BBX: variants seen among roughly 807,000 people sequenced by gnomAD.
The protein encoded by BBX is BBX high mobility group box domain containing.
In BBX, 30 loss-of-function variants were observed where a neutral mutation model predicts 100.2. The ratio of observed to expected loss-of-function variants is 0.30; its 90% CI spans 0.22 to 0.41. BBX has a LOEUF of 0.41. Ranked by LOEUF, BBX falls within the 10% of genes least tolerant of loss-of-function variation. BBX has a pLI of 1.00. For missense variants in BBX, 1,023 were observed against 1,129.8 expected, an observed-to-expected ratio of 0.91 and a Z score of 1.35; for synonymous variants, 376 against 388.1, an observed-to-expected ratio of 0.97 and a Z score of 0.37.
chr3:107,709,228 A>G (rs1341870104), intron 3 of BBX, among the ~76,000 whole-genome samples: 1 of 152,216 alleles, frequency 6.6e-6, no homozygotes, highest in Non-Finnish European at 1.5e-5. Context: ...AAGTTGTACA[A>G]GTTCTAGGAG....
At chr3:107,640,037 G>T (rs765375705) in intron 2 of BBX, among the ~76,000 whole-genome samples, 2 of 152,098 alleles carry the variant, frequency 1.3e-5, no homozygotes, top group South Asian at 2.1e-4. Flanking sequence ...AGCACTTATT[G>T]TATAGCAAAT....
chr3:107,706,014 G>T (rs1436294490), intron 3 of BBX, among the ~76,000 whole-genome samples: 1 of 144,328 alleles, frequency 6.9e-6, no homozygotes. Flanking sequence ...TCATGAATGA[G>T]CTTGCTACTT....
chr3:107,790,292 C>T (rs1189813952), intron 14 of BBX, among the ~76,000 whole-genome samples: 1 of 152,122 alleles, frequency 6.6e-6, no homozygotes, highest in Non-Finnish European at 1.5e-5. Flanking sequence ...TGTGAAAGTG[C>T]CCCCGTTTCT....
intron 2 of BBX, among the ~76,000 whole-genome samples, chr3:107,536,518 C>T (rs1297184301): frequency 2.6e-5 from 4 of 152,066 alleles, no homozygotes; most frequent in African/African-American, 4.8e-5. Context: ...CGAAGGCGCT[C>T]GTCTTTTGTT....
intron 13 of BBX, among the ~76,000 whole-genome samples, chr3:107,779,020 T>TATATATATACACACAC (rs1449263925): frequency 6.9e-4 from 66 of 95,814 alleles, no homozygotes; most frequent in African/African-American, 2.5e-3. Flanking sequence ...TATATATATA[T>TATATATATACACACAC]ACACACACAC....
In BBX at chr3:107,810,789, AC is replaced by A. The variant is rs538971327; in HGVS notation, c.*5334del. 54 of 152,312 alleles carry A rather than the reference AC, an allele frequency of 3.5e-4. No homozygotes were observed. Among genetic ancestry groups the A allele is most frequent in the African/African-American group, 1.2e-3 (48 of 41,556 alleles). 9.4% of individuals were successfully genotyped at this position (152,312 alleles called of 1,614,324 possible). A position where few individuals can be genotyped will look rare whatever the true frequency, so the allele number is the denominator to read the frequency against. On this transcript the variant is annotated 3_prime_UTR_variant, in exon 18 of 18. Transcript: ENST00000325805. ...AATAAAATCACCTGAGACTCCACAT[AC>A]CAGATTATAAACTCTTCTCGTAGGT...
chr3:107,601,796 T>G (rs575650610), intron 2 of BBX, among the ~76,000 whole-genome samples: 1 of 152,324 alleles, frequency 6.6e-6, no homozygotes, highest in Non-Finnish European at 1.5e-5. Flanking sequence ...GCAGCTACAC[T>G]AAACAACATA....
At chr3:107,734,328 G>A (rs1308402628) in intron 7 of BBX, among the ~76,000 whole-genome samples, 1 of 152,136 alleles carries the variant, frequency 6.6e-6, no homozygotes, top group African/African-American at 2.4e-5. Flanking sequence ...TGCACTGGTA[G>A]TTACTTTGTG....
chr3:107,761,381 A>G (rs1031361479), intron 10 of BBX, among the ~76,000 whole-genome samples: 4 of 152,202 alleles, frequency 2.6e-5, no homozygotes, highest in African/African-American at 9.7e-5. Flanking sequence ...CAGTGATAAA[A>G]GCAGCACTTA....
chr3:107,555,144 G>C (rs1047112371), intron 2 of BBX, among the ~76,000 whole-genome samples: 2 of 152,098 alleles, frequency 1.3e-5, no homozygotes, highest in Non-Finnish European at 2.9e-5. Context: ...ATTGATATTT[G>C]TTTCTGCTAA....
rs1300938369 is a variant in BBX, at chr3:107,710,627, G to A, written c.162+5G>A. The stretch of plus-strand genomic sequence containing the variant: ...GAAGAGGAGGATATTGATAAGGTAA[G>A]TCCTATATTTACCATAGAAGTTTCA... On this transcript the variant is annotated splice_donor_5th_base_variant and intron_variant, in intron 4 of 17. Transcript: ENST00000325805. The A allele has an allele frequency of 1.9e-6, 3 of 1,597,390 alleles. No homozygotes were observed. The highest frequency in any genetic ancestry group is 2.6e-6 in the Non-Finnish European group (3 of 1,171,872).
intron 3 of BBX, among the ~76,000 whole-genome samples, chr3:107,647,677 A>C (rs1424749644): frequency 6.6e-6 from 1 of 152,232 alleles, no homozygotes; most frequent in Admixed American, 6.5e-5. Flanking sequence ...GCCAGGGTTC[A>C]ATAAATCTGG....
intron 10 of BBX, among the ~76,000 whole-genome samples, chr3:107,770,720 C>T (rs1261161906): frequency 6.6e-6 from 1 of 152,120 alleles, no homozygotes; most frequent in African/African-American, 2.4e-5. Context: ...TTCATGTCTT[C>T]CCTGTGAATG....
intron 2 of BBX, among the ~76,000 whole-genome samples, chr3:107,628,441 CA>C (rs1374863388): frequency 4.0e-5 from 6 of 151,678 alleles, no homozygotes; most frequent in African/African-American, 1.2e-4. Flanking sequence ...ACTCAGATGT[CA>C]AAATACAAAA....
chr3:107,778,243 C>A, intron 12 of BBX, 128 bp from the exon 13 acceptor site: 1 of 1,160,200 alleles, frequency 8.6e-7, no homozygotes, highest in Non-Finnish European at 1.2e-6. Flanking sequence ...TTTTTCCTTG[C>A]ACAGAATTTA....
At chr3:107,626,199 G>A (rs1388045512) in intron 2 of BBX, among the ~76,000 whole-genome samples, 1 of 152,038 alleles carries the variant, frequency 6.6e-6, no homozygotes, top group African/African-American at 2.4e-5. Flanking sequence ...GTTCTATATG[G>A]GTGACTGGAA....
rs1273153462 is a variant in BBX at position 107,773,675 on chromosome 3, C to T, written c.1915+39C>T. 1.6e-5 allele frequency: 24 copies of T among 1,544,640 alleles called. No homozygotes were observed. Among genetic ancestry groups the T allele is most frequent in the Non-Finnish European group, 2.1e-5 (24 of 1,149,128 alleles). On this transcript the variant is annotated intron_variant, in intron 11 of 17. Transcript: ENST00000325805. The surrounding 1 kb of genome is among the most constrained non-coding windows in gnomAD (Gnocchi z 4.1). ...ACAAACCTGAAAAGAATTCAAAAAC[C>T]AAACAGAATTTCACCTTTAGACCTA...
intron 2 of BBX, among the ~76,000 whole-genome samples, chr3:107,639,023 A>G (rs1275987347): frequency 6.6e-6 from 1 of 152,110 alleles, no homozygotes; most frequent in African/African-American, 2.4e-5. Context: ...ATTTTTGATC[A>G]TAATATGCTG....
intron 13 of BBX, among the ~76,000 whole-genome samples, chr3:107,785,058 G>A (rs1368435933): frequency 1.3e-5 from 2 of 151,466 alleles, no homozygotes; most frequent in African/African-American, 2.4e-5. Context: ...GAGATAACAT[G>A]TATGAAATGA....
Sources: allele counts gnomAD v4.1 joint callset (sites outside exome capture counted in the v4.1 genomes callset), GRCh38; gene constraint gnomAD v4.1.1; non-coding constraint Gnocchi (gnomAD v3.1); transcripts MANE v1.5; gene names NCBI Gene and HGNC (gene_info 2026-07-23, HGNC 2026-07-21).